The following GRIA4 variants were observed in gnomAD, a reference collection of about 807,000 sequenced individuals.
GRIA4 encodes glutamate receptor 4.
Under a neutral mutation model 104.0 loss-of-function variants are expected in GRIA4, and 34 were observed. The ratio of observed to expected loss-of-function variants is 0.33; its 90% CI spans 0.25 to 0.44. GRIA4 has a LOEUF of 0.44. Ranked by LOEUF, GRIA4 falls within the 20% of genes least tolerant of loss-of-function variation. The pLI is 1.00. For synonymous variants in GRIA4, 386 were observed against 381.9 expected, an observed-to-expected ratio of 1.01 and a Z score of -0.13; for missense variants, 750 against 1,096.5, an observed-to-expected ratio of 0.68 and a Z score of 4.46.
intron 14 of GRIA4, among the ~76,000 whole-genome samples, chr11:105,966,845 G>A (rs1046771101): frequency 1.3e-5 from 2 of 151,984 alleles, no homozygotes; most frequent in African/African-American, 2.4e-5. Context: ...TTTCTCACCC[G>A]ATCTAAAAAG....
chr11:105,744,531 T>G (rs1939524533), intron 3 of GRIA4, among the ~76,000 whole-genome samples: 1 of 151,910 alleles, frequency 6.6e-6, no homozygotes, highest in Non-Finnish European at 1.5e-5. Context: ...TAATACGGAG[T>G]GGTAAGGCTT....
At chr11:105,950,246 G>T (rs774589496) in intron 14 of GRIA4, among the ~76,000 whole-genome samples, 16 of 152,130 alleles carry the variant, frequency 1.1e-4, no homozygotes, top group Admixed American at 1.0e-3. Context: ...GGTGATAAAG[G>T]CTTCAACTAA....
At chr11:105,963,871 A>C (rs573047489) in intron 14 of GRIA4, among the ~76,000 whole-genome samples, 1 of 152,156 alleles carries the variant, frequency 6.6e-6, no homozygotes, top group African/African-American at 2.4e-5. Context: ...CCCTCTCATG[A>C]AATAAGTTTA....
intron 14 of GRIA4, among the ~76,000 whole-genome samples, chr11:105,942,390 C>T (rs531768837): frequency 6.6e-6 from 1 of 152,104 alleles, no homozygotes; most frequent in African/African-American, 2.4e-5. Flanking sequence ...CATATAAACA[C>T]CAAAAATTAC....
At chr11:105,809,534 G>T (rs1943089585) in intron 4 of GRIA4, among the ~76,000 whole-genome samples, 2 of 152,086 alleles carry the variant, frequency 1.3e-5, no homozygotes, top group Admixed American at 6.6e-5. Context: ...ACGTGTTGAG[G>T]GAGGGAGATG....
intron 3 of GRIA4, among the ~76,000 whole-genome samples, chr11:105,650,441 C>T (rs904253053): frequency 7.2e-5 from 11 of 151,942 alleles, no homozygotes; most frequent in Admixed American, 2.6e-4. Context: ...AAATAGGACA[C>T]CAGTGGTGAC....
At chr11:105,619,089 C>A (rs1950674469) in intron 3 of GRIA4, among the ~76,000 whole-genome samples, 1 of 148,598 alleles carries the variant, frequency 6.7e-6, no homozygotes, top group African/African-American at 2.5e-5. Flanking sequence ...AAAAAAAAAG[C>A]AACCCCATAG....
chr11:105,829,969 C>T (rs985657611), intron 4 of GRIA4, among the ~76,000 whole-genome samples: 20 of 151,876 alleles, frequency 1.3e-4, no homozygotes, highest in African/African-American at 4.8e-4. Context: ...TAAAACAAAA[C>T]TAACAGACTG....
At chr11:105,789,564 T>C (rs1387100650) in intron 4 of GRIA4, among the ~76,000 whole-genome samples, 1 of 152,144 alleles carries the variant, frequency 6.6e-6, no homozygotes, top group Non-Finnish European at 1.5e-5. Context: ...GCCTTGGTGC[T>C]GGATCTGAAG....
At chr11:105,827,532 T>G (rs2135922423) in intron 4 of GRIA4, among the ~76,000 whole-genome samples, 1 of 152,128 alleles carries the variant, frequency 6.6e-6, no homozygotes, top group East Asian at 1.9e-4. Context: ...TATAATTTTA[T>G]TTTACAGTCA....
intron 5 of GRIA4, among the ~76,000 whole-genome samples, chr11:105,870,971 C>T (rs1333869480): frequency 6.6e-6 from 1 of 152,034 alleles, no homozygotes; most frequent in Non-Finnish European, 1.5e-5. Context: ...CATCTGTAGA[C>T]TATATTTTTT....
intron 6 of GRIA4, among the ~76,000 whole-genome samples, chr11:105,889,096 T>C (rs1946375396): frequency 6.6e-6 from 1 of 152,088 alleles, no homozygotes; most frequent in Non-Finnish European, 1.5e-5. Context: ...ACAATAGAAT[T>C]GAGGGGAAAA....
intron 4 of GRIA4, among the ~76,000 whole-genome samples, chr11:105,768,403 G>C (rs568492813): frequency 6.6e-6 from 1 of 152,090 alleles, no homozygotes; most frequent in African/African-American, 2.4e-5. Context: ...AAAATAAAGT[G>C]ATAAAATCAG....
At chr11:105,708,266 T>A (rs1953779351) in intron 3 of GRIA4, among the ~76,000 whole-genome samples, 1 of 152,118 alleles carries the variant, frequency 6.6e-6, no homozygotes, top group Non-Finnish European at 1.5e-5. Context: ...TCCACTCATC[T>A]CTTCAAAACA....
intron 11 of GRIA4, among the ~76,000 whole-genome samples, chr11:105,919,446 A>G (rs961793815): frequency 6.6e-6 from 1 of 152,134 alleles, no homozygotes; most frequent in African/African-American, 2.4e-5. Flanking sequence ...AATTCTGCTG[A>G]ACACAGTAAA....
chr11:105,745,478 G>T (rs1939599469), intron 3 of GRIA4, among the ~76,000 whole-genome samples: 3 of 151,666 alleles, frequency 2.0e-5, no homozygotes, highest in African/African-American at 7.3e-5. Context: ...TAAAGTGACA[G>T]AAAAACACAA....
Position 105,903,814 on chromosome 11 carries a change from T to C in GRIA4, c.886T>C (p.Tyr296His). 2 of 1,601,288 alleles carry C rather than the reference T, an allele frequency of 1.2e-6. No homozygotes were observed. The highest frequency in any genetic ancestry group is 1.7e-6 in the Non-Finnish European group (2 of 1,168,478). The change falls in exon 8 of 17, where the codon TAC becomes CAC. Residue 296 changes from tyrosine to histidine, a missense_variant and splice_region_variant. Physicochemically the swap from Tyr to His is moderately conservative, Grantham distance 83. This residue lies in a region of GRIA4 where 410 missense variants were observed against 502.7 expected (regional missense o/e 0.82). Transcript: ENST00000282499. ...EYPGSETPPKYTSALTYDGVL... is the reference protein window; with the variant it reads ...EYPGSETPPKHTSALTYDGVL... ...ATTATGTTCATTTTCATTTGGTTAG[T>C]ACACCTCTGCTCTGACTTATGATGG...
At chr11:105,731,476 C>T (rs1422014505) in intron 3 of GRIA4, among the ~76,000 whole-genome samples, 2 of 152,116 alleles carry the variant, frequency 1.3e-5, no homozygotes, top group African/African-American at 4.8e-5. Context: ...GGCGATTCCT[C>T]AAGGAACTAG....
At chr11:105,800,628 T>C (rs1480498635) in intron 4 of GRIA4, among the ~76,000 whole-genome samples, 2 of 152,080 alleles carry the variant, frequency 1.3e-5, no homozygotes, top group Non-Finnish European at 2.9e-5. Context: ...ATTAAAATAA[T>C]TGATGCATTC....
Sources: gnomAD v4.1 joint callset for allele counts (sites outside exome capture counted in the v4.1 genomes callset) on GRCh38, gnomAD v4.1.1 for gene constraint, gnomAD v4.1.1 regional missense constraint, MANE v1.5 for transcripts, NCBI Gene and HGNC (gene_info 2026-07-23, HGNC 2026-07-21) for gene names.